Variants in PRSS37 observed in about 807,000 individuals in gnomAD.
The protein encoded by PRSS37 is serine protease 37.
In PRSS37, 25 loss-of-function variants were observed where a neutral mutation model predicts 28.0. That is an observed-to-expected ratio of 0.89 (90% confidence interval 0.65 to 1.25). The LOEUF is 1.25. PRSS37 is among the 50% of genes most tolerant of loss of function. The pLI, the probability that PRSS37 is intolerant of heterozygous loss-of-function variation, is 0.00. For missense variants in PRSS37, 282 were observed against 292.2 expected (o/e 0.97, Z 0.25); for synonymous variants, 109 against 107.8 (o/e 1.01, Z -0.07).
intron 2 of PRSS37, chr7:141,838,822 C>T: frequency 2.8e-6 from 1 of 357,692 alleles, no homozygotes; most frequent in East Asian, 7.5e-5. Context: ...CTTTTTAGGC[C>T]TAGAGGTGGT....
Position 141,837,854 on chromosome 7 carries a change from A to G in PRSS37, c.430+6T>C, listed in dbSNP as rs969801947. On this transcript the variant is annotated splice_donor_region_variant and intron_variant, in intron 3 of 4. Coordinates refer to ENST00000350549, the MANE Select transcript of PRSS37 (RefSeq NM_001008270.3). ...GACCCTGATTTGCTGTGGAAGGCAC[A>G]CTTACCACTGTTTTCTTGGCTCCAG... The G allele has an allele frequency of 1.4e-5, 22 of 1,607,024 alleles. 1 individual carries two copies. The highest frequency in any genetic ancestry group is 1.9e-5 in the Non-Finnish European group (22 of 1,175,376).
chr7:141,837,030 C>G (rs1174230730), intron 4 of PRSS37, 82 bp downstream of exon 4: 1 of 1,421,300 alleles, frequency 7.0e-7, no homozygotes, highest in Admixed American at 2.1e-5. Context: ...ATTTAGACAT[C>G]TAAAATAGTT....
intron 1 of PRSS37, among the ~76,000 whole-genome samples, chr7:141,839,852 C>T (rs1420116401): frequency 6.6e-6 from 1 of 152,044 alleles, no homozygotes; most frequent in Non-Finnish European, 1.5e-5. Context: ...AGAAAAAAAT[C>T]AGATATAGAC....
At position 141,837,114 on chromosome 7, in the gene PRSS37, C is replaced by G. The variant is rs1405113437; in HGVS notation, c.565G>C (p.Gly189Arg). Residue 189 changes from glycine to arginine, a missense_variant and splice_region_variant, in exon 4 of 5, where the codon GGG becomes CGG. Transcript: ENST00000350549. ...KFVKVFSRIFGEVAVATVICK... is the reference protein window; with the variant it reads ...KFVKVFSRIFREVAVATVICK... Reference sequence around the variant, plus strand: ...GCTGAATATAGAGATAAGATTACCCCAAAAATTCGGCTGAATACTTTCACA... The same window carrying G: ...GCTGAATATAGAGATAAGATTACCCGAAAAATTCGGCTGAATACTTTCACA... 6.2e-7 allele frequency: 1 copy of G among 1,612,250 alleles called. No homozygotes were observed. The highest frequency in any genetic ancestry group is 2.2e-5 in the East Asian group (1 of 44,776).
chr7:141,836,296 CA>C, downstream of PRSS37: 2 of 1,366,816 alleles, frequency 1.5e-6, no homozygotes, highest in Non-Finnish European at 2.0e-6. Context: ...GCTACATTCC[CA>C]AATTTTCATT....
At chr7:141,837,809 C>A (rs748074394) in intron 3 of PRSS37, 51 bp downstream of exon 3, 96 of 1,581,256 alleles carry the variant, frequency 6.1e-5, no homozygotes, top group Non-Finnish European at 7.7e-5. Flanking sequence ...TATGGATGTT[C>A]CTCCTAAAGG....
chr7:141,840,921 ACT>A, intron 1 of PRSS37, 93 bp downstream of exon 1: 1 of 1,235,072 alleles, frequency 8.1e-7, no homozygotes, highest in African/African-American at 1.5e-5. Context: ...ACTATTTTTG[ACT>A]CTTTTTCTGC....
intron 4 of PRSS37, 108 bp from the exon 5 acceptor site, chr7:141,836,643 C>T: frequency 8.1e-7 from 1 of 1,237,514 alleles, no homozygotes; most frequent in Non-Finnish European, 1.1e-6. Context: ...CAGGCATATG[C>T]TGGACTCTTG....
rs1800949833 is a variant in PRSS37, at chr7:141,836,340, T to A, written c.*55A>T. 1 of 1,550,012 alleles carries A rather than the reference T, an allele frequency of 6.5e-7. No individual in the cohort carries two copies. The highest frequency in any genetic ancestry group is 1.9e-5 in the Admixed American group (1 of 52,608). Reference sequence around the variant, plus strand: ...TTTATTTTGAATAGAGGGAAAATTATCTGCTTGTATAGTCCATGGCAGAGC... The same window carrying A: ...TTTATTTTGAATAGAGGGAAAATTAACTGCTTGTATAGTCCATGGCAGAGC... On this transcript the variant is annotated 3_prime_UTR_variant, in exon 5 of 5. Coordinates refer to ENST00000350549, the MANE Select transcript of PRSS37 (RefSeq NM_001008270.3).
rs116960638 is a variant in PRSS37 at position 141,838,190 on chromosome 7, A to G, written c.177-77T>C. ...AAGATACTGAATGTTACAAAGTGCCAGGAACTGTACCAAGTGCTTTTTCTG... is the reference window on the plus strand; with the variant it reads ...AAGATACTGAATGTTACAAAGTGCCGGGAACTGTACCAAGTGCTTTTTCTG... On this transcript the variant is annotated intron_variant, in intron 2 of 4. Coordinates refer to ENST00000350549, the MANE Select transcript of PRSS37 (RefSeq NM_001008270.3). 6.6e-3 allele frequency: 10,523 copies of G among 1,591,184 alleles called. 43 individuals carry two copies. Among genetic ancestry groups the G allele is most frequent in the Non-Finnish European group, 7.9e-3 (9,232 of 1,165,988 alleles).
At chr7:141,837,693 G>T in intron 3 of PRSS37, 167 bp downstream of exon 3, 1 of 1,526,112 alleles carries the variant, frequency 6.6e-7, no homozygotes, top group Non-Finnish European at 8.9e-7. Flanking sequence ...GAAAGGAGGA[G>T]CTTTGTTCCT....
Position 141,841,093 on chromosome 7 carries a change from CAG to C in PRSS37, c.-46_-45del, listed in dbSNP as rs1563053545. ...CCTGTGAGATGTAGAAGAAAATCAG[CAG>C]AGTGTGGAGCGGTTGGCTTAGTTGT... On this transcript the variant is annotated 5_prime_UTR_variant, in exon 1 of 5. Transcript: ENST00000350549. The C allele has an allele frequency of 6.2e-6, 10 of 1,612,256 alleles. No homozygotes were observed. The highest frequency in any genetic ancestry group is 1.1e-5 in the South Asian group (1 of 91,030).
At chr7:141,839,039 G>T in intron 2 of PRSS37, 1 of 553,560 alleles carries the variant, frequency 1.8e-6, no homozygotes. Flanking sequence ...AAAAACTTAT[G>T]AGAGTCTGAG....
intron 2 of PRSS37, chr7:141,838,391 A>G: frequency 7.7e-7 from 1 of 1,294,248 alleles, no homozygotes; most frequent in East Asian, 3.4e-5. Context: ...GAGGAAGAGG[A>G]TGCATGTCAA....
chr7:141,839,403 G>C lies in PRSS37; in HGVS notation c.111C>G (p.Phe37Leu), dbSNP rs1801085467. 2 of 1,613,706 alleles carry C rather than the reference G, an allele frequency of 1.2e-6. No individual in the cohort carries two copies. Among genetic ancestry groups the C allele is most frequent in the South Asian group, 1.1e-5 (1 of 91,074 alleles). Residue 37 changes from phenylalanine to leucine, a missense_variant, in exon 2 of 5, where the codon TTC becomes TTG. Phe to Leu is a conservative substitution (Grantham distance 22). Transcript: ENST00000350549. ...APYLVYLKSHFNPCVGVLIKP... is the reference protein window; with the variant it reads ...APYLVYLKSHLNPCVGVLIKP... ...TGATGAGGACGCCCACACAGGGGTT[G>C]AAGTGAGACTTGAGGTACACCAAAT...
At position 141,837,262 on chromosome 7, in the gene PRSS37, G is replaced by A; in HGVS notation, c.431-14C>T. 6.3e-7 allele frequency: 1 copy of A among 1,579,906 alleles called. No homozygotes were observed. Among genetic ancestry groups the A allele is most frequent in the Non-Finnish European group, 8.6e-7 (1 of 1,166,884 alleles). ...CAGGGTGTCGGCCTGAGGGAGACGG[G>A]GATAAAATAAAACATCCTGTTGACA... On this transcript the variant is annotated splice_polypyrimidine_tract_variant and intron_variant, in intron 3 of 4. Coordinates refer to ENST00000350549, the MANE Select transcript of PRSS37 (RefSeq NM_001008270.3).
chr7:141,837,709 C>A (rs1043381149), intron 3 of PRSS37, 151 bp downstream of exon 3: 3 of 1,540,434 alleles, frequency 1.9e-6, no homozygotes, highest in African/African-American at 1.4e-5. Context: ...TTCCTCTGGG[C>A]AGGTCTCTGT....
Position 141,838,132 on chromosome 7 carries a change from G to A in PRSS37, c.177-19C>T, listed in dbSNP as rs747572313. 4 of 1,604,286 alleles carry A rather than the reference G, an allele frequency of 2.5e-6. No homozygotes were observed. Among genetic ancestry groups the A allele is most frequent in the South Asian group, 1.1e-5 (1 of 90,610 alleles). On this transcript the variant is annotated intron_variant, in intron 2 of 4. Transcript: ENST00000350549. The stretch of plus-strand genomic sequence containing the variant: ...CAGATTTCTGGAGGGAGAGGGGTTG[G>A]AAGTAATCATCATCATCATCATCAT...
At chr7:141,839,853 A>G in intron 1 of PRSS37, among the ~76,000 whole-genome samples, 1 of 152,212 alleles carries the variant, frequency 6.6e-6, no homozygotes. Context: ...GAAAAAAATC[A>G]GATATAGACA....
Sources: gnomAD v4.1 joint callset for allele counts (sites outside exome capture counted in the v4.1 genomes callset) on GRCh38, gnomAD v4.1.1 for gene constraint, MANE v1.5 for transcripts, NCBI Gene and HGNC (gene_info 2026-07-23, HGNC 2026-07-21) for gene names.